JPT2: variants seen among roughly 807,000 people sequenced by gnomAD.
JPT2 encodes the protein Jupiter microtubule associated homolog 2.
JPT2 carries 9 observed loss-of-function variants against 15.9 expected under a neutral mutation model. That is an observed-to-expected ratio of 0.57 (90% CI 0.34 to 0.99). The LOEUF (loss-of-function observed/expected upper bound fraction) is 0.99. Ranked by LOEUF, JPT2 falls within the 50% of genes least tolerant of loss-of-function variation. The pLI is 0.02. For synonymous variants in JPT2, 95 were observed against 91.7 expected (o/e 1.04, Z -0.21); for missense variants, 267 against 252.1 (o/e 1.06, Z -0.40).
chr16:1,691,348 A>C lies in JPT2; in HGVS notation c.194-495A>C, dbSNP rs528085841. Among the ~76,000 whole-genome samples the C allele has an allele frequency of 4.4e-4, 67 of 152,248 alleles. 1 individual carries two copies. The highest frequency in any genetic ancestry group is 8.1e-4 in the Non-Finnish European group (55 of 68,042). On this transcript the variant is annotated intron_variant, in intron 2 of 4. Transcript: ENST00000248098. ...GACATATCTAGTCACTGGAAGTACC[A>C]GCCAGAATGAGGTCAGAAGAATGAC...
chr16:1,684,278 C>T (rs1743547829), intron 1 of JPT2, among the ~76,000 whole-genome samples: 1 of 152,228 alleles, frequency 6.6e-6, no homozygotes, highest in Admixed American at 6.5e-5. Flanking sequence ...ATGTGCCACT[C>T]ACTGGTTTAA....
Position 1,698,294 on chromosome 16 carries a change from T to A in JPT2, c.385+434T>A, listed in dbSNP as rs906738693. On this transcript the variant is annotated intron_variant, in intron 4 of 4. Coordinates refer to ENST00000248098, the MANE Select transcript of JPT2 (RefSeq NM_144570.3). This position sits in a 1 kb window ranked among gnomAD's most constrained non-coding sequence, Gnocchi z 4.9. ...CAGGTTGAGCGGCAGACTTCGACTC[T>A]CCCCACGGCTCTTTAGCCTGACCAT... 6.6e-6 allele frequency among the ~76,000 whole-genome samples: 1 copy of A among 152,150 alleles called. No homozygotes were observed. Among genetic ancestry groups the A allele is most frequent in the African/African-American group, 2.4e-5 (1 of 41,428 alleles).
chr16:1,686,063 A>G (rs1027986582), intron 2 of JPT2: 1 of 154,230 alleles, frequency 6.5e-6, no homozygotes, highest in African/African-American at 2.4e-5. Context: ...TGGTTACAGT[A>G]GGAGGGACTC....
chr16:1,701,635 C>G lies in JPT2; in HGVS notation c.*2637C>G, dbSNP rs1287055702. 1.3e-5 allele frequency: 2 copies of G among 151,680 alleles called. No individual in the cohort carries two copies. Among genetic ancestry groups the G allele is most frequent in the East Asian group, 3.9e-4 (2 of 5,186 alleles). 9.4% of individuals were successfully genotyped at this position (151,680 alleles called of 1,614,324 possible). ...AACTTAAATGAACGGGTTTTTTTCCCTTGTATGCCACTTGTCCTAACATGT... is the reference window on the plus strand; with the variant it reads ...AACTTAAATGAACGGGTTTTTTTCCGTTGTATGCCACTTGTCCTAACATGT... On this transcript the variant is annotated 3_prime_UTR_variant, in exon 5 of 5. Transcript: ENST00000248098.
intron 1 of JPT2, chr16:1,683,411 A>C (rs991573702): frequency 1.6e-4 from 111 of 678,544 alleles, no homozygotes; most frequent in Non-Finnish European, 2.1e-4. Context: ...GCTCCCGGAC[A>C]GCCCTTTCTC....
chr16:1,687,645 C>G (rs914273681), intron 2 of JPT2, among the ~76,000 whole-genome samples: 10 of 152,212 alleles, frequency 6.6e-5, no homozygotes, highest in African/African-American at 2.4e-4. Flanking sequence ...GTTAGTGAGC[C>G]AGCCTCTACT....
intron 2 of JPT2, among the ~76,000 whole-genome samples, chr16:1,687,293 A>T (rs11647990): frequency 0.024 from 3,703 of 152,148 alleles, 65 homozygotes; most frequent in Non-Finnish European, 0.036. Flanking sequence ...GGCCGAAGCT[A>T]GGTTTGCTGC....
At chr16:1,694,425 G>T (rs2037126485) in intron 3 of JPT2, among the ~76,000 whole-genome samples, 1 of 152,236 alleles carries the variant, frequency 6.6e-6, no homozygotes, top group Admixed American at 6.5e-5. Flanking sequence ...GAGGATTAAA[G>T]AGAGACAAGA....
chr16:1,700,066 C>G lies in JPT2; in HGVS notation c.*1068C>G, dbSNP rs1282863339. 9.1e-6 allele frequency: 4 copies of G among 441,618 alleles called. No individual in the cohort carries two copies. Among genetic ancestry groups the G allele is most frequent in the Admixed American group, 2.4e-5 (1 of 41,452 alleles). The allele number at this position is 441,618 out of a possible 1,614,324, so 27.4% of individuals were successfully genotyped here. A position where few individuals can be genotyped will look rare whatever the true frequency, so the allele number is the denominator to read the frequency against. The stretch of plus-strand genomic sequence containing the variant: ...GTTGACTCTGGTCTGTTTCTGACAC[C>G]TTTCCAGAAAAAAGTCAATTGTTCA... On this transcript the variant is annotated 3_prime_UTR_variant, in exon 5 of 5. Coordinates refer to ENST00000248098, the MANE Select transcript of JPT2 (RefSeq NM_144570.3).
chr16:1,692,777 A>G (rs2037113244), intron 3 of JPT2, among the ~76,000 whole-genome samples: 1 of 152,132 alleles, frequency 6.6e-6, no homozygotes, highest in Admixed American at 6.5e-5. Context: ...TCACTTTTCT[A>G]CCTTTTTTGT....
chr16:1,702,716 A>G (rs1356527149), downstream of JPT2, among the ~76,000 whole-genome samples: 1 of 152,154 alleles, frequency 6.6e-6, no homozygotes, highest in Non-Finnish European at 1.5e-5. Context: ...ACTCCTGTGT[A>G]ATGTGTGGCT....
intron 2 of JPT2, chr16:1,689,487 C>G (rs759437942): frequency 3.3e-5 from 5 of 152,058 alleles, no homozygotes; most frequent in Non-Finnish European, 5.9e-5. Context: ...TTTTTTGAGA[C>G]AGGATCTTAG....
At chr16:1,702,281 A>T (rs2037184969), downstream of JPT2, 1 of 420,250 alleles carries the variant, frequency 2.4e-6, no homozygotes, top group Non-Finnish European at 4.9e-6. Context: ...GCATTAACTG[A>T]AACACCGTCT....
At chr16:1,684,684 G>A (rs907807781) in intron 1 of JPT2, among the ~76,000 whole-genome samples, 1 of 152,110 alleles carries the variant, frequency 6.6e-6, no homozygotes, top group South Asian at 2.1e-4. Context: ...AGGTTGTGGT[G>A]AGCTGAGATT....
At chr16:1,692,064 C>A in intron 3 of JPT2, 79 bp downstream of exon 3, 1 of 1,541,866 alleles carries the variant, frequency 6.5e-7, no homozygotes, top group Non-Finnish European at 8.9e-7. Flanking sequence ...AAGGCAGATG[C>A]GACATGTTTT....
At chr16:1,683,713 C>T in intron 1 of JPT2, 1 of 691,426 alleles carries the variant, frequency 1.4e-6, no homozygotes, top group East Asian at 2.8e-5. Flanking sequence ...ACTCCATTCA[C>T]ATCCAGTCAC....
intron 2 of JPT2, among the ~76,000 whole-genome samples, chr16:1,691,177 G>A (rs1032089296): frequency 3.3e-5 from 5 of 152,166 alleles, no homozygotes; most frequent in African/African-American, 1.2e-4. Context: ...ATCTTTCTGT[G>A]GAATGTTAGG....
At chr16:1,687,392 G>A (rs1460290874) in intron 2 of JPT2, among the ~76,000 whole-genome samples, 3 of 152,058 alleles carry the variant, frequency 2.0e-5, no homozygotes, top group Non-Finnish European at 4.4e-5. Context: ...CGTTGTTTCC[G>A]GTTTATGAAT....
In JPT2 at chr16:1,678,337, G is replaced by A. The variant is rs1176753141; in HGVS notation, c.25G>A (p.Gly9Ser). 6.9e-5 allele frequency: 85 copies of A among 1,235,116 alleles called. No individual in the cohort carries two copies. The highest frequency in any genetic ancestry group is 8.4e-5 in the Non-Finnish European group (83 of 987,164). 76.5% of individuals were successfully genotyped at this position (1,235,116 alleles called of 1,614,324 possible). A position where few individuals can be genotyped will look rare whatever the true frequency, so the allele number is the denominator to read the frequency against. Residue 9 changes from glycine to serine, a missense_variant, in exon 1 of 5, where the codon GGC (glycine) becomes AGC (serine). Physicochemically the swap from Gly to Ser is moderately conservative, Grantham distance 56 (BLOSUM62 0). Coordinates refer to ENST00000248098, the MANE Select transcript of JPT2 (RefSeq NM_144570.3). Reference protein sequence around the residue: MFQVPDSEGGRAGSRAMKP... With the variant: MFQVPDSESGRAGSRAMKP... The stretch of plus-strand genomic sequence containing the variant: ...CATGTTCCAGGTCCCGGATAGCGAG[G>A]GCGGCCGCGCCGGCTCCAGGTGCGG...
Sources: gnomAD v4.1 joint callset for allele counts (sites outside exome capture counted in the v4.1 genomes callset) on GRCh38, gnomAD v4.1.1 for gene constraint, Gnocchi (gnomAD v3.1) non-coding constraint, MANE v1.5 for transcripts, NCBI Gene and HGNC (gene_info 2026-07-23, HGNC 2026-07-21) for gene names.